Variants in GNG2 observed in about 807,000 individuals in gnomAD.
The protein encoded by GNG2 is guanine nucleotide-binding protein G(I)/G(S)/G(O) subunit gamma-2.
A neutral mutation model predicts 5.5 loss-of-function variants in GNG2; 5 were observed. The ratio of observed to expected loss-of-function variants is 0.91; its 90% CI spans 0.48 to 1.92. GNG2 has a LOEUF of 1.92. Among genes scored for constraint, GNG2 ranks in the 30% most tolerant of loss-of-function variants. The probability of loss-of-function intolerance (pLI) is 0.01; values close to 1 mark genes in which losing one functional copy is unlikely to be tolerated. For synonymous variants in GNG2, 28 were observed against 32.0 expected (o/e 0.88, Z 0.42); for missense variants, 55 against 88.4 (o/e 0.62, Z 1.52).
chr14:51,963,327 C>T (rs926072733), intron 3 of GNG2, among the ~76,000 whole-genome samples: 1 of 152,154 alleles, frequency 6.6e-6, no homozygotes, highest in African/African-American at 2.4e-5. Context: ...TTTGAATATT[C>T]ATGCTACATA....
chr14:51,960,898 G>A (rs1362906300), intron 3 of GNG2, among the ~76,000 whole-genome samples: 1 of 152,166 alleles, frequency 6.6e-6, no homozygotes. Context: ...ATAGCCTCAA[G>A]TGGTTTTCTC....
At chr14:51,922,307 T>TA (rs1468507241) in intron 2 of GNG2, among the ~76,000 whole-genome samples, 1 of 152,152 alleles carries the variant, frequency 6.6e-6, no homozygotes, top group Non-Finnish European at 1.5e-5. Flanking sequence ...GCTTTTTAGA[T>TA]AAAAGGAAAA....
intron 2 of GNG2, among the ~76,000 whole-genome samples, chr14:51,846,934 C>A (rs1881643825): frequency 6.6e-6 from 1 of 152,126 alleles, no homozygotes; most frequent in South Asian, 2.1e-4. Context: ...TTCTTACTGA[C>A]GTCTTTGTGT....
chr14:51,961,709 G>A (rs903587679), intron 3 of GNG2, among the ~76,000 whole-genome samples: 8 of 152,152 alleles, frequency 5.3e-5, no homozygotes, highest in Non-Finnish European at 7.4e-5. Context: ...GAAGGAAGAT[G>A]ATAAGCCAAC....
intron 2 of GNG2, among the ~76,000 whole-genome samples, chr14:51,834,586 T>C (rs897065804): frequency 1.4e-4 from 22 of 152,334 alleles, no homozygotes; most frequent in African/African-American, 5.3e-4. Context: ...GTTGCGTGGA[T>C]ACCAATGCCA....
intron 2 of GNG2, among the ~76,000 whole-genome samples, chr14:51,906,159 G>C (rs1885900686): frequency 6.6e-6 from 1 of 152,196 alleles, no homozygotes; most frequent in Non-Finnish European, 1.5e-5. Flanking sequence ...TCCCAAATGA[G>C]GCAAGAATTT....
intron 2 of GNG2, among the ~76,000 whole-genome samples, chr14:51,844,542 T>G (rs1881571593): frequency 6.6e-6 from 1 of 151,534 alleles, no homozygotes; most frequent in Non-Finnish European, 1.5e-5. Flanking sequence ...TGGAGAGGAG[T>G]GTTATATAAA....
chr14:51,898,120 A>G (rs1432755916), intron 2 of GNG2, among the ~76,000 whole-genome samples: 2 of 152,198 alleles, frequency 1.3e-5, no homozygotes, highest in Admixed American at 6.5e-5. Flanking sequence ...GAGAACATGA[A>G]TACTAGTTTA....
intron 2 of GNG2, among the ~76,000 whole-genome samples, chr14:51,843,290 T>C (rs1881533929): frequency 6.6e-6 from 1 of 152,200 alleles, no homozygotes; most frequent in African/African-American, 2.4e-5. Flanking sequence ...ACCTCCTCTT[T>C]CTTGCTCTTC....
chr14:51,866,563 C>A (rs1882905551), intron 1 of GNG2, among the ~76,000 whole-genome samples: 1 of 152,108 alleles, frequency 6.6e-6, no homozygotes, highest in African/African-American at 2.4e-5. Context: ...CCAGAAACAA[C>A]AGAAATCTTT....
At chr14:51,870,899 T>C (rs1043167547) in intron 1 of GNG2, among the ~76,000 whole-genome samples, 4 of 152,258 alleles carry the variant, frequency 2.6e-5, no homozygotes, top group Non-Finnish European at 5.9e-5. Flanking sequence ...TTTCTGTGCA[T>C]GTTCATCATA....
intron 2 of GNG2, among the ~76,000 whole-genome samples, chr14:51,939,502 CAG>C (rs1228612964): frequency 1.2e-4 from 18 of 152,206 alleles, no homozygotes; most frequent in Admixed American, 1.2e-3. Context: ...CTGCGTGAGA[CAG>C]GGAAGCCATG....
chr14:51,963,359 C>T (rs528320486), intron 3 of GNG2, among the ~76,000 whole-genome samples: 7 of 152,210 alleles, frequency 4.6e-5, no homozygotes, highest in South Asian at 2.1e-4. Flanking sequence ...GTGTTGCAAA[C>T]GGGTAGGGAT....
intron 1 of GNG2, among the ~76,000 whole-genome samples, chr14:51,874,548 TAG>T (rs1883531598): frequency 6.6e-6 from 1 of 151,722 alleles, no homozygotes; most frequent in Non-Finnish European, 1.5e-5. Context: ...TTGGGCAACG[TAG>T]AGACACCCTG....
At chr14:51,950,855 T>A in intron 3 of GNG2, 90 bp downstream of exon 3, 1 of 654,244 alleles carries the variant, frequency 1.5e-6, no homozygotes, top group Non-Finnish European at 2.5e-6. Flanking sequence ...ATAAAACCAG[T>A]AATGACAGGA....
rs1418220764 is a variant in GNG2 at position 51,967,772 on chromosome 14, A to T, written c.*1085A>T. Reference sequence around the variant, plus strand: ...ATGCTTTTGCCATGAGTATGAGCAAATTCCCTCTTTCCCTGAATCATGGAC... The same window carrying T: ...ATGCTTTTGCCATGAGTATGAGCAATTTCCCTCTTTCCCTGAATCATGGAC... On this transcript the variant is annotated 3_prime_UTR_variant, in exon 4 of 4. Coordinates refer to ENST00000556766, the MANE Select transcript of GNG2 (RefSeq NM_053064.5). 1 of 152,012 alleles carries T rather than the reference A, an allele frequency of 6.6e-6. No individual in the cohort carries two copies. Among genetic ancestry groups the T allele is most frequent in the Non-Finnish European group, 1.5e-5 (1 of 68,022 alleles). The allele number at this position is 152,012 out of a possible 1,614,324, so 9.4% of individuals were successfully genotyped here.
chr14:51,865,268 A>AC (rs1429567821), intron 1 of GNG2, among the ~76,000 whole-genome samples: 79 of 152,210 alleles, frequency 5.2e-4, no homozygotes, highest in Admixed American at 1.2e-3. Context: ...GCCTGTCTTT[A>AC]CTAGATCTGG....
chr14:51,911,074 T>G lies in GNG2; in HGVS notation c.-30+33417T>G, dbSNP rs1187126447. On this transcript the variant is annotated intron_variant, in intron 2 of 3. Coordinates refer to ENST00000556766, the MANE Select transcript of GNG2 (RefSeq NM_053064.5). ...GGAACTGTGCTCCTAGCTCAGAATT[T>G]GTCTAGTGGTGCACTTGGCGGGTGA... Among the ~76,000 whole-genome samples, 3 of 152,170 alleles carry G rather than the reference T, an allele frequency of 2.0e-5. No homozygotes were observed. In the East Asian group the frequency reaches 5.8e-4, roughly 29 times the overall value.
chr14:51,967,822 T>A lies in GNG2; in HGVS notation c.*1135T>A, dbSNP rs1890012341. On this transcript the variant is annotated 3_prime_UTR_variant, in exon 4 of 4. Coordinates refer to ENST00000556766, the MANE Select transcript of GNG2 (RefSeq NM_053064.5). ...CATTCTAGATTAAAAGAACATTTTT[T>A]TGTGCTCTTAACAAGAAAACCATGG... 1 of 152,116 alleles carries A rather than the reference T, an allele frequency of 6.6e-6. No homozygotes were observed. 9.4% of individuals were successfully genotyped at this position (152,116 alleles called of 1,614,324 possible).
Sources: gnomAD v4.1 joint callset for allele counts (sites outside exome capture counted in the v4.1 genomes callset) on GRCh38, gnomAD v4.1.1 for gene constraint, MANE v1.5 for transcripts, NCBI Gene and HGNC (gene_info 2026-07-23, HGNC 2026-07-21) for gene names.